The following GLIS3 variants were observed in gnomAD, a reference collection of about 807,000 sequenced individuals.
GLIS3 encodes the protein GLIS family zinc finger 3.
GLIS3 carries 53 observed loss-of-function variants against 78.6 expected under a neutral mutation model. The ratio of observed to expected loss-of-function variants is 0.67; its 90% CI spans 0.54 to 0.85. The LOEUF is 0.85. Among genes scored for constraint, GLIS3 ranks in the 40% least tolerant of loss-of-function variants. The pLI is 0.00. For missense variants in GLIS3, 1,703 were observed against 1,231.1 expected, an observed-to-expected ratio of 1.38 and a Z score of -5.74; for synonymous variants, 684 against 509.9, an observed-to-expected ratio of 1.34 and a Z score of -4.60.
the GLIS3 span, among the ~76,000 whole-genome samples, chr9:4,482,319 A>C: frequency 6.6e-6 from 1 of 152,246 alleles, no homozygotes; most frequent in African/African-American, 2.4e-5. Flanking sequence ...TAGTATCTTT[A>C]TAAAATATTA....
chr9:4,324,525 T>C (rs1386793831), intron 2 of GLIS3, among the ~76,000 whole-genome samples: 1 of 152,160 alleles, frequency 6.6e-6, no homozygotes, highest in Admixed American at 6.5e-5. Context: ...TACATTATGG[T>C]AGTTATTATT....
intron 6 of GLIS3, among the ~76,000 whole-genome samples, chr9:3,929,401 T>C (rs1825474126): frequency 6.6e-6 from 1 of 152,166 alleles, no homozygotes; most frequent in Admixed American, 6.5e-5. Context: ...GATTTCAGGT[T>C]TTTCTTGGTT....
At chr9:4,294,285 G>C (rs1384704214) in intron 1 of GLIS3, among the ~76,000 whole-genome samples, 1 of 152,150 alleles carries the variant, frequency 6.6e-6, no homozygotes, top group Non-Finnish European at 1.5e-5. Context: ...AAGGTGGGTG[G>C]ATCACCTGAG....
chr9:3,960,679 C>T (rs1817487087), intron 4 of GLIS3, among the ~76,000 whole-genome samples: 1 of 152,178 alleles, frequency 6.6e-6, no homozygotes, highest in Non-Finnish European at 1.5e-5. Context: ...TATGAACCTA[C>T]ACTTAGTCAC....
At chr9:4,311,638 C>T (rs1466401721) in intron 2 of GLIS3, among the ~76,000 whole-genome samples, 2 of 152,126 alleles carry the variant, frequency 1.3e-5, no homozygotes, top group Non-Finnish European at 2.9e-5. Context: ...TCTGTCTTCC[C>T]CAACAGCAAC....
intron 2 of GLIS3, among the ~76,000 whole-genome samples, chr9:4,247,106 G>C (rs1049886478): frequency 5.9e-5 from 9 of 152,144 alleles, no homozygotes; most frequent in Non-Finnish European, 1.2e-4. Context: ...TGGTCTTCCT[G>C]AGTTCGGTGC....
chr9:4,321,345 C>A (rs1441207764), intron 2 of GLIS3, among the ~76,000 whole-genome samples: 4 of 120,054 alleles, frequency 3.3e-5, no homozygotes, highest in Non-Finnish European at 6.2e-5. Context: ...TGGCGTGAAC[C>A]CAGGAGGCGG....
At chr9:4,062,940 AAG>A (rs1426966097) in intron 4 of GLIS3, among the ~76,000 whole-genome samples, 1 of 152,136 alleles carries the variant, frequency 6.6e-6, no homozygotes, top group Admixed American at 6.5e-5. Context: ...AAAAAAAAAA[AAG>A]AAAGAATGTG....
chr9:4,407,377 G>T, the GLIS3 span, among the ~76,000 whole-genome samples: 1 of 152,254 alleles, frequency 6.6e-6, no homozygotes, highest in African/African-American at 2.4e-5. Flanking sequence ...CGGGCAAGGT[G>T]GCTCACACCT....
intron 8 of GLIS3, among the ~76,000 whole-genome samples, chr9:3,876,017 C>T (rs980143259): frequency 6.6e-6 from 1 of 152,180 alleles, no homozygotes; most frequent in East Asian, 1.9e-4. Context: ...AGGCCTGTTT[C>T]ATGCCATGTA....
chr9:3,883,753 A>G (rs762722210), intron 7 of GLIS3, among the ~76,000 whole-genome samples: 6 of 152,238 alleles, frequency 3.9e-5, no homozygotes, highest in Non-Finnish European at 7.3e-5. Flanking sequence ...TTCTAAGTGA[A>G]CTTCCAGACA....
chr9:4,373,828 C>A, the GLIS3 span, among the ~76,000 whole-genome samples: 15 of 152,076 alleles, frequency 9.9e-5, no homozygotes, highest in East Asian at 1.7e-3. Context: ...CAACCACGCC[C>A]AGTTAATTTT....
chr9:4,151,810 AG>A (rs1466568135), intron 2 of GLIS3, among the ~76,000 whole-genome samples: 1 of 152,206 alleles, frequency 6.6e-6, no homozygotes, highest in Non-Finnish European at 1.5e-5. Flanking sequence ...ATCTGTTCCT[AG>A]TTAAACATAC....
At chr9:3,932,706 G>A (rs1825691927) in intron 5 of GLIS3, 2 of 473,122 alleles carry the variant, frequency 4.2e-6, no homozygotes, top group Admixed American at 6.2e-5. Flanking sequence ...ATTTCTAAGA[G>A]ATTGCTTTAG....
At chr9:3,973,387 T>C (rs1275698071) in intron 4 of GLIS3, among the ~76,000 whole-genome samples, 1 of 152,170 alleles carries the variant, frequency 6.6e-6, no homozygotes, top group Non-Finnish European at 1.5e-5. Flanking sequence ...AATTATATGG[T>C]TGGTCTTCCT....
chr9:4,388,047 G>C, the GLIS3 span, among the ~76,000 whole-genome samples: 12 of 152,232 alleles, frequency 7.9e-5, no homozygotes, highest in South Asian at 8.3e-4. Flanking sequence ...TTTTGTTTTT[G>C]ACTGATTATG....
chr9:4,485,177 G>A, the GLIS3 span, among the ~76,000 whole-genome samples: 1 of 151,874 alleles, frequency 6.6e-6, no homozygotes, highest in Non-Finnish European at 1.5e-5. Flanking sequence ...ACCATGCCCA[G>A]CTAATTTTTG....
the GLIS3 span, among the ~76,000 whole-genome samples, chr9:4,485,051 G>C: frequency 6.6e-6 from 1 of 151,736 alleles, no homozygotes; most frequent in African/African-American, 2.4e-5. Context: ...TTTCACTCCC[G>C]TCGACCAGGC....
At position 4,340,409 on chromosome 9, in the gene GLIS3, C is replaced by G. The variant is rs10758608; in HGVS notation, n.264+6672G>C. ...AAACTTCAACTTCCCAATTAAAAGG[C>G]AACTCAATTCCAGGATGAAACATTC... On this transcript the variant is annotated intron_variant and non_coding_transcript_variant, in intron 2 of 4. Coordinates refer to the GLIS3 transcript ENST00000471664. 2.6e-5 allele frequency among the ~76,000 whole-genome samples: 4 copies of G among 151,168 alleles called. No homozygotes were observed. In the South Asian group the frequency reaches 8.3e-4, roughly 32 times the overall value.
Sources: allele counts gnomAD v4.1 joint callset (sites outside exome capture counted in the v4.1 genomes callset), GRCh38; gene constraint gnomAD v4.1.1; transcripts MANE v1.5; gene names NCBI Gene and HGNC (gene_info 2026-07-23, HGNC 2026-07-21).